Variants in LZIC observed in about 807,000 individuals in gnomAD.
LZIC encodes protein LZIC.
Under a neutral mutation model 25.4 loss-of-function variants are expected in LZIC, and 28 were observed. The observed-to-expected ratio is 1.10, with a 90% confidence interval of 0.82 to 1.51. LZIC has a LOEUF of 1.51. LZIC is among the 40% of genes most tolerant of loss of function. The pLI, the probability that LZIC is intolerant of heterozygous loss-of-function variation, is 0.00. For synonymous variants in LZIC, 65 were observed against 70.7 expected (o/e 0.92, Z 0.40); for missense variants, 170 against 211.1 (o/e 0.81, Z 1.21).
intron 2 of LZIC, among the ~76,000 whole-genome samples, chr1:9,941,465 G>T (rs1438888995): frequency 1.3e-5 from 2 of 150,876 alleles, no homozygotes; most frequent in African/African-American, 2.4e-5. Context: ...AAAATGCTGG[G>T]ATTACAGGTG....
rs1018157997 is a variant in LZIC, at chr1:9,930,196, G to T, written c.*203C>A. 4.3e-6 allele frequency: 6 copies of T among 1,390,546 alleles called. No homozygotes were observed. The highest frequency in any genetic ancestry group is 2.8e-5 in the Admixed American group (1 of 35,998). The allele number at this position is 1,390,546 out of a possible 1,614,324, so 86.1% of individuals were successfully genotyped here. On this transcript the variant is annotated 3_prime_UTR_variant, in exon 8 of 8. Coordinates refer to ENST00000377223, the MANE Select transcript of LZIC (RefSeq NM_032368.5). ...AGTCCCTCTGTCGCAACAAGTTCAG[G>T]ATCACTCAAGCAGGTAACCGCACAC...
intron 2 of LZIC, among the ~76,000 whole-genome samples, chr1:9,938,629 G>A (rs749453071): frequency 2.0e-5 from 3 of 152,210 alleles, no homozygotes; most frequent in East Asian, 1.9e-4. Context: ...CATGGCTCAT[G>A]CAGCTTTGAC....
intron 5 of LZIC, 80 bp from the exon 6 acceptor site, chr1:9,932,978 G>T: frequency 1.0e-6 from 1 of 958,160 alleles, no homozygotes; most frequent in Non-Finnish European, 1.7e-6. Flanking sequence ...CAGGCCAGGC[G>T]CAGTGGCTCA....
downstream of LZIC, among the ~76,000 whole-genome samples, chr1:9,922,696 AAG>A (rs777392052): frequency 2.2e-4 from 33 of 152,320 alleles, no homozygotes; most frequent in Non-Finnish European, 4.1e-4. Context: ...GTTCTTAGGA[AAG>A]AGAGGAAGGC....
chr1:9,934,778 C>G lies in LZIC; in HGVS notation c.320G>C (p.Arg107Pro). The stretch of plus-strand genomic sequence containing the variant: ...AAATTTTACCTCTGCTAACCTTGTC[C>G]GAAGCTGACCTGGTTGTTTCTTTGC... ...LFAKKQPGQL[R>P]TRLAEMDRDL... Residue 107 changes from arginine to proline, a missense_variant, in exon 5 of 8, where the codon CGG becomes CCG. By Grantham distance (103) the Arg-to-Pro change is moderately radical. Transcript: ENST00000377223. 6.2e-7 allele frequency: 1 copy of G among 1,613,914 alleles called. No homozygotes were observed. Among genetic ancestry groups the G allele is most frequent in the Admixed American group, 1.7e-5 (1 of 59,982 alleles).
Position 9,934,754 on chromosome 1 carries a change from A to C in LZIC, c.336+8T>G, listed in dbSNP as rs1381069132. 3.7e-6 allele frequency: 6 copies of C among 1,609,548 alleles called. No individual in the cohort carries two copies. Among genetic ancestry groups the C allele is most frequent in the Non-Finnish European group, 8.5e-7 (1 of 1,176,170 alleles). On this transcript the variant is annotated splice_region_variant and intron_variant, in intron 5 of 7. Transcript: ENST00000377223. ...CACAGCAACCAAATCAATTTAAAGA[A>C]ATTTTACCTCTGCTAACCTTGTCCG...
In LZIC at chr1:9,928,148, C is replaced by A. The variant is rs548172219; in HGVS notation, c.*2251G>T. 2.4e-4 allele frequency among the ~76,000 whole-genome samples: 37 copies of A among 152,176 alleles called. No individual in the cohort carries two copies. Among genetic ancestry groups the A allele is most frequent in the Non-Finnish European group, 4.9e-4 (33 of 68,012 alleles). On this transcript the variant is annotated 3_prime_UTR_variant, in exon 8 of 8. Transcript: ENST00000377223. Reference sequence around the variant, plus strand: ...TGACCAACATGGAGAAACCCCATCTCTACTAAAAACACAAAATTAGCCAGG... The same window carrying A: ...TGACCAACATGGAGAAACCCCATCTATACTAAAAACACAAAATTAGCCAGG...
intron 2 of LZIC, among the ~76,000 whole-genome samples, chr1:9,936,860 G>A (rs575854283): frequency 1.4e-4 from 21 of 152,360 alleles, no homozygotes; most frequent in African/African-American, 3.6e-4. Context: ...GCCAGGCGCC[G>A]GTGGCTCAGG....
In LZIC at chr1:9,942,616, A is replaced by G. The variant is rs1640812000; in HGVS notation, c.-9+8T>C. The G allele has an allele frequency of 7.9e-7, 1 of 1,265,978 alleles. No homozygotes were observed. Among genetic ancestry groups the G allele is most frequent in the Admixed American group, 2.3e-5 (1 of 42,564 alleles). 78.4% of individuals were successfully genotyped at this position (1,265,978 alleles called of 1,614,324 possible). ...TATCTGGAGCGGAGGGTCCTCATTC[A>G]TGCTCACCTGTCTCTTAGTACTCTG... On this transcript the variant is annotated splice_region_variant and intron_variant, in intron 2 of 7. Transcript: ENST00000377223.
At chr1:9,934,679 T>A (rs985916798) in intron 5 of LZIC, 83 bp downstream of exon 5, 34 of 1,225,826 alleles carry the variant, frequency 2.8e-5, no homozygotes, top group Non-Finnish European at 3.9e-5. Flanking sequence ...ACCTGGCAAA[T>A]TTTTAAGCCA....
intron 6 of LZIC, among the ~76,000 whole-genome samples, 191 bp downstream of exon 6, chr1:9,932,612 G>A (rs542101965): frequency 4.0e-5 from 6 of 151,134 alleles, no homozygotes; most frequent in East Asian, 3.9e-4. Context: ...GAACCCAGGA[G>A]GGGGAGGTTG....
chr1:9,936,493 A>G (rs1344379081), intron 3 of LZIC, 26 bp downstream of exon 3: 3 of 1,539,474 alleles, frequency 1.9e-6, no homozygotes, highest in Non-Finnish European at 2.7e-6. Flanking sequence ...AGTTTCCAGC[A>G]TAACAACATA....
chr1:9,942,516 G>T, intron 2 of LZIC, 108 bp downstream of exon 2: 1 of 358,836 alleles, frequency 2.8e-6, no homozygotes, highest in Non-Finnish European at 5.1e-6. Context: ...TTAACTCGTT[G>T]GCACCACCTA....
rs1640095294 is a variant in LZIC at position 9,928,824 on chromosome 1, C to T, written c.*1575G>A. The T allele has an allele frequency of 6.7e-6, 1 of 149,330 alleles. No individual in the cohort carries two copies. The highest frequency in any genetic ancestry group is 1.5e-5 in the Non-Finnish European group (1 of 67,730). The allele number at this position is 149,330 out of a possible 1,614,324, so 9.3% of individuals were successfully genotyped here. A position where few individuals can be genotyped will look rare whatever the true frequency, so the allele number is the denominator to read the frequency against. ...CTGGGAGGCGGAGGTTGAGATTGCG[C>T]CATTGCACTCCAGCCTGGGCAATAA... On this transcript the variant is annotated 3_prime_UTR_variant, in exon 8 of 8. Coordinates refer to ENST00000377223, the MANE Select transcript of LZIC (RefSeq NM_032368.5).
chr1:9,931,841 A>C, intron 7 of LZIC, 50 bp downstream of exon 7: 1 of 1,218,526 alleles, frequency 8.2e-7, no homozygotes, highest in Non-Finnish European at 1.2e-6. Context: ...TTTGTATGTA[A>C]TATATGACAG....
chr1:9,938,359 CT>C (rs1462162659), intron 2 of LZIC, among the ~76,000 whole-genome samples: 1 of 152,088 alleles, frequency 6.6e-6, no homozygotes, highest in African/African-American at 2.4e-5. Flanking sequence ...GAGATGGGGT[CT>C]CCCATGTTGC....
downstream of LZIC, among the ~76,000 whole-genome samples, chr1:9,924,361 A>T (rs908209943): frequency 1.3e-5 from 2 of 151,406 alleles, no homozygotes; most frequent in African/African-American, 4.9e-5. Context: ...TTATTTATTT[A>T]TTTATTTTTT....
At position 9,929,829 on chromosome 1, in the gene LZIC, C is replaced by T. The variant is rs1640133764; in HGVS notation, c.*570G>A. On this transcript the variant is annotated 3_prime_UTR_variant, in exon 8 of 8. Transcript: ENST00000377223. ...GTACAGAAATAAAATTCAAAAGATA[C>T]TAAACTGGGAGTCAGGACACCTGAG... is the stretch of plus-strand genomic sequence containing the variant. 1.0e-6 allele frequency: 1 copy of T among 983,708 alleles called. No homozygotes were observed. Among genetic ancestry groups the T allele is most frequent in the South Asian group, 4.7e-5 (1 of 21,252 alleles). The allele number at this position is 983,708 out of a possible 1,614,324, so 60.9% of individuals were successfully genotyped here. A position where few individuals can be genotyped will look rare whatever the true frequency, so the allele number is the denominator to read the frequency against.
rs1208484472 is a variant in LZIC at position 9,927,961 on chromosome 1, C to T, written c.*2438G>A. Among the ~76,000 whole-genome samples, 1 of 152,092 alleles carries T rather than the reference C, an allele frequency of 6.6e-6. No individual in the cohort carries two copies. The highest frequency in any genetic ancestry group is 2.4e-5 in the African/African-American group (1 of 41,424). Reference sequence around the variant, plus strand: ...GTGCTGGGATTACAGGTGTGAGCCACTGTGCCCGACTGGTGGGAAGAATCT... The same window carrying T: ...GTGCTGGGATTACAGGTGTGAGCCATTGTGCCCGACTGGTGGGAAGAATCT... On this transcript the variant is annotated 3_prime_UTR_variant, in exon 8 of 8. Transcript: ENST00000377223.
Sources: allele counts gnomAD v4.1 joint callset (sites outside exome capture counted in the v4.1 genomes callset), GRCh38; gene constraint gnomAD v4.1.1; transcripts MANE v1.5; gene names NCBI Gene and HGNC (gene_info 2026-07-23, HGNC 2026-07-21).